LMX1A: variants seen among roughly 807,000 people sequenced by gnomAD.
LMX1A encodes the protein LIM homeobox transcription factor 1 alpha, also known as LIM homeobox transcription factor 1-alpha.
LMX1A carries 15 observed loss-of-function variants against 49.1 expected under a neutral mutation model. The observed-to-expected ratio is 0.31, with a 90% confidence interval of 0.20 to 0.47. The LOEUF is 0.47. Among genes scored for constraint, LMX1A ranks in the 20% least tolerant of loss-of-function variants. The pLI is 1.00. For missense variants in LMX1A, 372 were observed against 475.8 expected (o/e 0.78, Z 2.03); for synonymous variants, 167 against 185.7 (o/e 0.90, Z 0.82).
At chr1:165,324,709 A>G (rs75454682) in intron 3 of LMX1A, among the ~76,000 whole-genome samples, 3,097 of 152,316 alleles carry the variant, frequency 0.02, 59 homozygotes, top group Admixed American at 0.034. Flanking sequence ...ACAAAGTGTT[A>G]CTCAAATTTC....
At chr1:165,208,640 TTTTA>T (rs1651202889) in intron 6 of LMX1A, among the ~76,000 whole-genome samples, 2 of 151,990 alleles carry the variant, frequency 1.3e-5, no homozygotes, top group Non-Finnish European at 2.9e-5. Flanking sequence ...AGGAATAGTT[TTTTA>T]TTTTTTATTT....
intron 4 of LMX1A, among the ~76,000 whole-genome samples, chr1:165,233,659 CTA>C (rs1338898233): frequency 1.3e-5 from 2 of 152,328 alleles, no homozygotes; most frequent in East Asian, 3.9e-4. Context: ...TCTGAACATT[CTA>C]TCTCTTCTTT....
chr1:165,247,869 G>A (rs563909502), intron 4 of LMX1A, among the ~76,000 whole-genome samples: 1 of 152,148 alleles, frequency 6.6e-6, no homozygotes, highest in East Asian at 1.9e-4. Context: ...CCTGGCTAAG[G>A]CACCCCACTT....
chr1:165,225,255 C>T (rs1332393020), intron 4 of LMX1A, among the ~76,000 whole-genome samples: 1 of 152,196 alleles, frequency 6.6e-6, no homozygotes, highest in Non-Finnish European at 1.5e-5. Flanking sequence ...CTTCCCATAG[C>T]CATGCTTCGT....
At chr1:165,347,715 C>T (rs1656292967) in intron 3 of LMX1A, among the ~76,000 whole-genome samples, 1 of 152,156 alleles carries the variant, frequency 6.6e-6, no homozygotes, top group South Asian at 2.1e-4. Flanking sequence ...TAACCAAGAT[C>T]ATAACATTCA....
intron 3 of LMX1A, among the ~76,000 whole-genome samples, chr1:165,313,202 G>A (rs1165942470): frequency 6.6e-6 from 1 of 152,096 alleles, no homozygotes; most frequent in African/African-American, 2.4e-5. Context: ...GTTCCATGTT[G>A]AAAAATTAAT....
chr1:165,203,891 A>G lies in LMX1A; in HGVS notation c.1138T>C (p.Phe380Leu). 1.9e-6 allele frequency: 3 copies of G among 1,614,056 alleles called. No homozygotes were observed. The highest frequency in any genetic ancestry group is 2.5e-6 in the Non-Finnish European group (3 of 1,179,928). The part of the protein sequence containing the change: ...DHLYSMQNSY[F>L]TS Reference sequence around the variant, plus strand: ...CTCTAGGGGAAGACTCAAGATGTGAAGTAAGAATTCTGCATGGAGTACAGA... The same window carrying G: ...CTCTAGGGGAAGACTCAAGATGTGAGGTAAGAATTCTGCATGGAGTACAGA... The change falls in exon 9 of 9, where the codon TTC becomes CTC. Residue 380 changes from phenylalanine to leucine, a missense_variant. By Grantham distance (22) the Phe-to-Leu change is conservative. Coordinates refer to ENST00000342310, the MANE Select transcript of LMX1A (RefSeq NM_177398.4).
Position 165,356,515 on chromosome 1 carries a change from G to A in LMX1A, c.-183C>T, listed in dbSNP as rs1656624446. 6.6e-6 allele frequency: 1 copy of A among 152,170 alleles called. No homozygotes were observed. Among genetic ancestry groups the A allele is most frequent in the African/African-American group, 2.4e-5 (1 of 41,442 alleles). The allele number at this position is 152,170 out of a possible 1,614,324, so 9.4% of individuals were successfully genotyped here. On this transcript the variant is annotated 5_prime_UTR_variant, in exon 1 of 9. Coordinates refer to ENST00000342310, the MANE Select transcript of LMX1A (RefSeq NM_177398.4). The stretch of plus-strand genomic sequence containing the variant: ...GGAGCCGGAGCGAACGCCGGCCGCT[G>A]GCTCTGCTCCTCGGCGCGCCCAGGC...
At chr1:165,315,514 A>G (rs907241267) in intron 3 of LMX1A, among the ~76,000 whole-genome samples, 4 of 152,248 alleles carry the variant, frequency 2.6e-5, no homozygotes, top group African/African-American at 9.6e-5. Context: ...GAAGGTTAAA[A>G]TAAATTACTT....
intron 3 of LMX1A, among the ~76,000 whole-genome samples, chr1:165,316,580 C>T (rs545743959): frequency 7.9e-5 from 12 of 152,338 alleles, no homozygotes; most frequent in African/African-American, 2.6e-4. Context: ...AAAACTGGGG[C>T]TTCCCGGCTG....
At chr1:165,274,367 G>T (rs1272435927) in intron 3 of LMX1A, among the ~76,000 whole-genome samples, 1 of 152,112 alleles carries the variant, frequency 6.6e-6, no homozygotes, top group African/African-American at 2.4e-5. Flanking sequence ...GTCTCTAGAG[G>T]AACCCATTCA....
At chr1:165,269,952 C>T (rs1653747522) in intron 3 of LMX1A, among the ~76,000 whole-genome samples, 1 of 151,848 alleles carries the variant, frequency 6.6e-6, no homozygotes, top group African/African-American at 2.4e-5. Flanking sequence ...GGGCTTAATA[C>T]CTGGGTGATA....
At chr1:165,208,012 G>C in intron 7 of LMX1A, 51 bp downstream of exon 7, 4 of 1,545,994 alleles carry the variant, frequency 2.6e-6, no homozygotes, top group Non-Finnish European at 2.7e-6. Flanking sequence ...GCCTCTGGTA[G>C]GAACAGCCTG....
At chr1:165,212,398 C>T (rs1651443328) in intron 5 of LMX1A, among the ~76,000 whole-genome samples, 1 of 152,288 alleles carries the variant, frequency 6.6e-6, no homozygotes, top group South Asian at 2.1e-4. Flanking sequence ...TCAGCCTGGA[C>T]CCTCGAATGA....
chr1:165,328,729 C>T (rs1451418002), intron 3 of LMX1A, among the ~76,000 whole-genome samples: 1 of 152,220 alleles, frequency 6.6e-6, no homozygotes, highest in Non-Finnish European at 1.5e-5. Flanking sequence ...TCCTGCATAG[C>T]AAAGGCAAAG....
chr1:165,334,233 T>C (rs1241071568), intron 3 of LMX1A, among the ~76,000 whole-genome samples: 6 of 152,256 alleles, frequency 3.9e-5, no homozygotes, highest in African/African-American at 1.4e-4. Flanking sequence ...GATTGCGGGA[T>C]AGATCAACTA....
rs528196356 is a variant in LMX1A, at chr1:165,239,397, G to A, written c.496+10011C>T. On this transcript the variant is annotated intron_variant, in intron 4 of 8. Coordinates refer to ENST00000342310, the MANE Select transcript of LMX1A (RefSeq NM_177398.4). ...CTGAACCCCTCTGTTTCAGTATCAAGTGTCCTGACTCGGTAATTGGTAGAA... is the reference window on the plus strand; with the variant it reads ...CTGAACCCCTCTGTTTCAGTATCAAATGTCCTGACTCGGTAATTGGTAGAA... Among the ~76,000 whole-genome samples, 4 of 152,284 alleles carry A rather than the reference G, an allele frequency of 2.6e-5. No individual in the cohort carries two copies. In the East Asian group the frequency reaches 5.8e-4, roughly 22 times the overall value.
At chr1:165,259,871 G>A (rs963578995) in intron 3 of LMX1A, among the ~76,000 whole-genome samples, 2 of 152,170 alleles carry the variant, frequency 1.3e-5, no homozygotes, top group African/African-American at 4.8e-5. Flanking sequence ...CACTGTGTGT[G>A]GGACAGTGAG....
chr1:165,257,407 C>T (rs1374076813), intron 3 of LMX1A, among the ~76,000 whole-genome samples: 1 of 151,528 alleles, frequency 6.6e-6, no homozygotes, highest in Non-Finnish European at 1.5e-5. Flanking sequence ...TGAGACTCCA[C>T]TGCAGACATG....
Sources: gnomAD v4.1 joint callset for allele counts (sites outside exome capture counted in the v4.1 genomes callset) on GRCh38, gnomAD v4.1.1 for gene constraint, MANE v1.5 for transcripts, NCBI Gene and HGNC (gene_info 2026-07-23, HGNC 2026-07-21) for gene names.